The following AP3B1 variants were observed in gnomAD, a reference collection of about 807,000 sequenced individuals.
AP3B1 encodes adaptor related protein complex 3 subunit beta 1, also known as AP-3 complex subunit beta-1.
AP3B1 carries 61 observed loss-of-function variants against 132.5 expected under a neutral mutation model. That is an observed-to-expected ratio of 0.46 (90% confidence interval 0.37 to 0.57). The LOEUF (loss-of-function observed/expected upper bound fraction) is 0.57, where lower values mean the gene tolerates loss of function less well. AP3B1 is among the 20% of genes least tolerant of loss of function. The pLI is 0.00. For synonymous variants in AP3B1, 388 were observed against 438.3 expected, an observed-to-expected ratio of 0.89 and a Z score of 1.43; for missense variants, 1,120 against 1,289.4, an observed-to-expected ratio of 0.87 and a Z score of 2.01.
chr5:78,227,965 G>A (rs1394741340), intron 4 of AP3B1, among the ~76,000 whole-genome samples, 179 bp downstream of exon 4: 1 of 152,096 alleles, frequency 6.6e-6, no homozygotes, highest in Non-Finnish European at 1.5e-5. Flanking sequence ...ATACAGCAAG[G>A]TTTCAGTTGG....
At position 78,284,259 on chromosome 5, in the gene AP3B1, G is replaced by A. The variant is rs141281718; in HGVS notation, c.128+10193C>T. Among the ~76,000 whole-genome samples the A allele has an allele frequency of 7.4e-3, 1,125 of 152,222 alleles. 8 individuals carry two copies. Among genetic ancestry groups the A allele is most frequent in the South Asian group, 0.024 (116 of 4,824 alleles). ...ATTGAACATTACAGCTCTAAACCTAGGTATATGCTATTCTGTCTGCCTGGT... is the reference window on the plus strand; with the variant it reads ...ATTGAACATTACAGCTCTAAACCTAAGTATATGCTATTCTGTCTGCCTGGT... On this transcript the variant is annotated intron_variant, in intron 1 of 26. Coordinates refer to ENST00000255194, the MANE Select transcript of AP3B1 (RefSeq NM_003664.5).
intron 8 of AP3B1, 109 bp from the exon 9 acceptor site, chr5:78,177,545 C>A (rs149925990): frequency 2.4e-6 from 2 of 842,960 alleles, no homozygotes; most frequent in Admixed American, 3.8e-5. Flanking sequence ...ATTCCTGTGA[C>A]GTAAAATGGA....
At chr5:78,204,222 G>A (rs1745413511) in intron 7 of AP3B1, among the ~76,000 whole-genome samples, 1 of 152,044 alleles carries the variant, frequency 6.6e-6, no homozygotes. Flanking sequence ...TCCTCCCCAG[G>A]GATTATTGTT....
At chr5:78,164,370 T>C (rs1396979745) in intron 12 of AP3B1, among the ~76,000 whole-genome samples, 1 of 152,058 alleles carries the variant, frequency 6.6e-6, no homozygotes, top group Non-Finnish European at 1.5e-5. Context: ...ATGACCAATA[T>C]TTTGAAACAG....
chr5:78,264,848 A>G (rs1748253206), intron 2 of AP3B1, among the ~76,000 whole-genome samples: 1 of 152,220 alleles, frequency 6.6e-6, no homozygotes, highest in South Asian at 2.1e-4. Flanking sequence ...TCATAGATCA[A>G]TTGTAATTTT....
At chr5:78,133,613 T>C (rs1020870705) in intron 15 of AP3B1, among the ~76,000 whole-genome samples, 3 of 152,186 alleles carry the variant, frequency 2.0e-5, no homozygotes, top group Non-Finnish European at 2.9e-5. Flanking sequence ...AGTACAATCA[T>C]GACATTTTAA....
intron 1 of AP3B1, among the ~76,000 whole-genome samples, chr5:78,269,069 T>C (rs1267562640): frequency 2.0e-5 from 3 of 152,216 alleles, no homozygotes; most frequent in Non-Finnish European, 4.4e-5. Flanking sequence ...TAGGTCTACC[T>C]TCTTCATTAC....
intron 1 of AP3B1, among the ~76,000 whole-genome samples, chr5:78,283,237 A>ACT (rs1749133585): frequency 6.6e-6 from 1 of 152,072 alleles, no homozygotes; most frequent in African/African-American, 2.4e-5. Flanking sequence ...CCATTTATTA[A>ACT]CTCTGTGCCA....
Position 78,278,041 on chromosome 5 carries a change from T to G in AP3B1, c.129-10446A>C, listed in dbSNP as rs368900180. ...TTAGGAATGTCTTCTAGAATGTGAC[T>G]ATTCAGTAGTATATTTGTTAATGTT... On this transcript the variant is annotated intron_variant, in intron 1 of 26. Transcript: ENST00000255194. Among the ~76,000 whole-genome samples, 18 of 152,322 alleles carry G rather than the reference T, an allele frequency of 1.2e-4. No homozygotes were observed. In the East Asian group the frequency reaches 3.5e-3, roughly 29 times the overall value.
intron 17 of AP3B1, among the ~76,000 whole-genome samples, chr5:78,117,884 T>G (rs1356211175): frequency 6.6e-6 from 1 of 152,218 alleles, no homozygotes; most frequent in Admixed American, 6.5e-5. Context: ...CAGGGAAATG[T>G]ATACTTCTGA....
intron 22 of AP3B1, among the ~76,000 whole-genome samples, chr5:78,065,042 C>T (rs1749221706): frequency 6.6e-6 from 1 of 152,096 alleles, no homozygotes; most frequent in East Asian, 1.9e-4. Context: ...GCACGACCCA[C>T]GGAGAGTGAG....
chr5:78,062,272 G>A (rs1413939283), intron 22 of AP3B1, among the ~76,000 whole-genome samples: 1 of 152,144 alleles, frequency 6.6e-6, no homozygotes, highest in Non-Finnish European at 1.5e-5. Context: ...GTTTTTGTTA[G>A]TGGAGACAAC....
chr5:78,007,150 A>C (rs1370269809), intron 26 of AP3B1, among the ~76,000 whole-genome samples: 2 of 152,252 alleles, frequency 1.3e-5, no homozygotes, highest in African/African-American at 4.8e-5. Context: ...TAGAAGGAAA[A>C]GAAATCCTAT....
At chr5:78,267,163 C>CA (rs1203491356) in intron 2 of AP3B1, among the ~76,000 whole-genome samples, 4 of 151,312 alleles carry the variant, frequency 2.6e-5, no homozygotes, top group East Asian at 1.9e-4. Flanking sequence ...TGTGAAAGGA[C>CA]AAAAAAAATC....
chr5:78,234,138 T>C (rs987489326), intron 3 of AP3B1, among the ~76,000 whole-genome samples: 3 of 152,142 alleles, frequency 2.0e-5, no homozygotes. Context: ...CTTCATTCCA[T>C]AGAACCCCAT....
chr5:78,244,524 C>G (rs1031535680), intron 2 of AP3B1, among the ~76,000 whole-genome samples: 4 of 152,102 alleles, frequency 2.6e-5, no homozygotes, highest in African/African-American at 9.7e-5. Flanking sequence ...GGGAGATGAG[C>G]AATCCAGAGT....
intron 7 of AP3B1, among the ~76,000 whole-genome samples, chr5:78,195,428 A>G (rs1290498543): frequency 2.6e-5 from 4 of 152,240 alleles, no homozygotes; most frequent in Non-Finnish European, 5.9e-5. Context: ...GAAAGCCTAG[A>G]AACAGACTCT....
intron 8 of AP3B1, 134 bp downstream of exon 8, chr5:78,181,373 C>T (rs149196989): frequency 2.6e-5 from 21 of 795,994 alleles, no homozygotes; most frequent in Non-Finnish European, 2.3e-5. Flanking sequence ...TCCAACTATC[C>T]ATTACATGTC....
At chr5:78,174,287 C>A (rs1207659796) in intron 11 of AP3B1, among the ~76,000 whole-genome samples, 1 of 152,190 alleles carries the variant, frequency 6.6e-6, no homozygotes, top group Non-Finnish European at 1.5e-5. Context: ...GAATTTTCAG[C>A]TTTTCTGCTC....
Sources: gnomAD v4.1 joint callset for allele counts (sites outside exome capture counted in the v4.1 genomes callset) on GRCh38, gnomAD v4.1.1 for gene constraint, MANE v1.5 for transcripts, NCBI Gene and HGNC (gene_info 2026-07-23, HGNC 2026-07-21) for gene names.